SH3GL2: variants seen among roughly 807,000 people sequenced by gnomAD.
SH3GL2 encodes SH3 domain containing GRB2 like 2, endophilin A1.
Under a neutral mutation model 46.0 loss-of-function variants are expected in SH3GL2, and 24 were observed. That is an observed-to-expected ratio of 0.52 (90% confidence interval 0.38 to 0.73). The LOEUF is 0.73. Ranked by LOEUF, SH3GL2 falls within the 30% of genes least tolerant of loss-of-function variation. The pLI is 0.00. For missense variants in SH3GL2, 413 were observed against 424.2 expected, an observed-to-expected ratio of 0.97 and a Z score of 0.23; for synonymous variants, 196 against 147.1, an observed-to-expected ratio of 1.33 and a Z score of -2.40.
chr9:17,642,686 G>T (rs542035193), intron 1 of SH3GL2, among the ~76,000 whole-genome samples: 1 of 152,142 alleles, frequency 6.6e-6, no homozygotes, highest in African/African-American at 2.4e-5. Flanking sequence ...TATTTCTGAG[G>T]GCTCTGTTCT....
chr9:17,684,688 A>G (rs909043729), intron 1 of SH3GL2, among the ~76,000 whole-genome samples: 1 of 152,142 alleles, frequency 6.6e-6, no homozygotes, highest in African/African-American at 2.4e-5. Context: ...CTGAGAAAAA[A>G]CAAAATTTCA....
At chr9:17,579,382 C>T in intron 1 of SH3GL2, 95 bp downstream of exon 1, 3 of 696,596 alleles carry the variant, frequency 4.3e-6, no homozygotes, top group Non-Finnish European at 6.1e-6. Context: ...TTGGGGAGTT[C>T]GGCACCGAGC....
intron 1 of SH3GL2, among the ~76,000 whole-genome samples, chr9:17,596,377 G>C (rs752009923): frequency 6.6e-6 from 1 of 151,716 alleles, no homozygotes; most frequent in Non-Finnish European, 1.5e-5. Flanking sequence ...CTTATCCCTA[G>C]TGTCATAGCA....
At chr9:17,647,036 G>C (rs1374313387) in intron 1 of SH3GL2, among the ~76,000 whole-genome samples, 1 of 152,158 alleles carries the variant, frequency 6.6e-6, no homozygotes, top group Non-Finnish European at 1.5e-5. Context: ...ATAAGCCCCT[G>C]ACCGGGGCTG....
At chr9:17,743,911 A>G (rs2118512531) in intron 1 of SH3GL2, among the ~76,000 whole-genome samples, 1 of 152,344 alleles carries the variant, frequency 6.6e-6, no homozygotes, top group South Asian at 2.1e-4. Context: ...AGCATCTCTC[A>G]GCTATATATT....
chr9:17,793,278 C>G (rs772296307), intron 7 of SH3GL2, 89 bp from the exon 8 acceptor site: 19 of 1,191,270 alleles, frequency 1.6e-5, no homozygotes, highest in Non-Finnish European at 2.0e-5. Flanking sequence ...GGTGGGTGAC[C>G]CAAGCATTTC....
chr9:17,681,494 C>G (rs189634843), intron 1 of SH3GL2, among the ~76,000 whole-genome samples: 209 of 152,056 alleles, frequency 1.4e-3, no homozygotes, highest in African/African-American at 4.8e-3. Flanking sequence ...AAAACATGGG[C>G]TTAATATGCA....
intron 1 of SH3GL2, among the ~76,000 whole-genome samples, chr9:17,671,474 A>G (rs972734051): frequency 2.6e-5 from 4 of 152,178 alleles, no homozygotes; most frequent in African/African-American, 7.2e-5. Flanking sequence ...TTGAAAAATA[A>G]CTAAAACAGT....
intron 1 of SH3GL2, among the ~76,000 whole-genome samples, chr9:17,683,770 C>G (rs910043194): frequency 6.6e-6 from 1 of 151,998 alleles, no homozygotes. Context: ...AAGGGAAGAC[C>G]TAAAGCTGAG....
At chr9:17,770,461 C>G (rs1398288131) in intron 3 of SH3GL2, among the ~76,000 whole-genome samples, 2 of 152,120 alleles carry the variant, frequency 1.3e-5, no homozygotes, top group African/African-American at 2.4e-5. Context: ...CAAGTGTACT[C>G]TAGGGTGACT....
chr9:17,591,512 A>G (rs1457070486), intron 1 of SH3GL2, among the ~76,000 whole-genome samples: 1 of 152,152 alleles, frequency 6.6e-6, no homozygotes, highest in Non-Finnish European at 1.5e-5. Context: ...ACATTATTTC[A>G]TTGGTGTATT....
intron 1 of SH3GL2, among the ~76,000 whole-genome samples, chr9:17,603,717 G>A (rs1588166914): frequency 6.6e-6 from 1 of 152,056 alleles, no homozygotes; most frequent in African/African-American, 2.4e-5. Context: ...AAAATTAGCC[G>A]AGTGTGGTGG....
chr9:17,636,404 C>T (rs1819546317), intron 1 of SH3GL2, among the ~76,000 whole-genome samples: 1 of 152,116 alleles, frequency 6.6e-6, no homozygotes, highest in African/African-American at 2.4e-5. Context: ...ATTATATTGC[C>T]CTTCCTGCTA....
At chr9:17,701,713 A>G (rs1014769469) in intron 1 of SH3GL2, among the ~76,000 whole-genome samples, 3 of 152,138 alleles carry the variant, frequency 2.0e-5, no homozygotes, top group Non-Finnish European at 4.4e-5. Flanking sequence ...TTGCAGTAGC[A>G]TTAAACAAAG....
rs114003440 is a variant in SH3GL2, at chr9:17,688,102, T to C, written c.46-58964T>C. On this transcript the variant is annotated intron_variant, in intron 1 of 8. Coordinates refer to ENST00000380607, the MANE Select transcript of SH3GL2 (RefSeq NM_003026.5). ...ATCTTTTCCAGTCTCTGTCTACTTA[T>C]AAAATTAAAATACCTCTGAACTTGT... Among the ~76,000 whole-genome samples, 357 of 152,204 alleles carry C rather than the reference T, an allele frequency of 2.3e-3. 1 individual carries two copies. Among genetic ancestry groups the C allele is most frequent in the African/African-American group, 8.3e-3 (344 of 41,550 alleles).
intron 1 of SH3GL2, among the ~76,000 whole-genome samples, chr9:17,703,207 G>A (rs1043071249): frequency 6.6e-6 from 1 of 151,870 alleles, no homozygotes; most frequent in African/African-American, 2.4e-5. Flanking sequence ...TTTGGGTAGG[G>A]AATGATTTTA....
intron 4 of SH3GL2, 149 bp downstream of exon 4, chr9:17,786,673 C>A: frequency 2.8e-6 from 2 of 722,572 alleles, no homozygotes; most frequent in Admixed American, 2.8e-5. Flanking sequence ...AATTTGTTTT[C>A]AGAATTATTT....
intron 1 of SH3GL2, among the ~76,000 whole-genome samples, chr9:17,636,049 C>T (rs1819535638): frequency 6.6e-6 from 1 of 152,286 alleles, no homozygotes; most frequent in Non-Finnish European, 1.5e-5. Flanking sequence ...GTTTGATTAT[C>T]TTATATCTGC....
chr9:17,664,468 T>G (rs1820295770), intron 1 of SH3GL2, among the ~76,000 whole-genome samples: 2 of 152,102 alleles, frequency 1.3e-5, no homozygotes, highest in Non-Finnish European at 2.9e-5. Flanking sequence ...TTTTGCACTT[T>G]AAAAATGAGA....
Sources: gnomAD v4.1 joint callset for allele counts (sites outside exome capture counted in the v4.1 genomes callset) on GRCh38, gnomAD v4.1.1 for gene constraint, MANE v1.5 for transcripts, NCBI Gene and HGNC (gene_info 2026-07-23, HGNC 2026-07-21) for gene names.